The following NHERF1 variants were observed in gnomAD, a reference collection of about 807,000 sequenced individuals.
NHERF1 encodes NHERF family PDZ scaffold protein 1, also known as Na(+)/H(+) exchange regulatory cofactor NHE-RF1.
chr17:74,748,979 G>A, the NHERF1 span: 2 of 1,607,460 alleles, frequency 1.2e-6, no homozygotes, highest in East Asian at 2.2e-5. The surrounding 1 kb of genome is among the most constrained non-coding windows in gnomAD (Gnocchi z 4.3). Context: ...GGTGGAGCCC[G>A]GCTCGCCGGC....
the NHERF1 span, among the ~76,000 whole-genome samples, chr17:74,756,056 C>T: frequency 2.0e-5 from 3 of 149,606 alleles, no homozygotes; most frequent in Non-Finnish European, 4.4e-5. Flanking sequence ...CAGGTTCAAG[C>T]GATTCTCCTG....
the NHERF1 span, among the ~76,000 whole-genome samples, chr17:74,767,394 G>A: frequency 5.8e-4 from 89 of 152,306 alleles, no homozygotes; most frequent in African/African-American, 1.8e-3. Flanking sequence ...GGTGAGGCCC[G>A]GGGAAGAGAT....
At chr17:74,767,444 G>A in the NHERF1 span, among the ~76,000 whole-genome samples, 3 of 152,192 alleles carry the variant, frequency 2.0e-5, no homozygotes, top group African/African-American at 7.2e-5. Flanking sequence ...GAGGAACCCA[G>A]GAAGGGGCTG....
chr17:74,767,917 C>T, the NHERF1 span: 1 of 653,918 alleles, frequency 1.5e-6, no homozygotes, highest in South Asian at 1.5e-5. Context: ...TGGTCTGTTC[C>T]CATCCCATCC....
the NHERF1 span, chr17:74,769,004 T>A: frequency 2.7e-6 from 1 of 370,962 alleles, no homozygotes; most frequent in South Asian, 2.6e-5. Flanking sequence ...CCCCATGTGA[T>A]AAATGGGTCC....
chr17:74,748,661 C>T, the NHERF1 span: 3 of 583,690 alleles, frequency 5.1e-6, no homozygotes, highest in Non-Finnish European at 9.0e-6. This position sits in a 1 kb window ranked among gnomAD's most constrained non-coding sequence, Gnocchi z 4.3. Flanking sequence ...GGTCTGTGGT[C>T]CTCTCTCGGC....
chr17:74,751,207 C>G, the NHERF1 span, among the ~76,000 whole-genome samples: 2 of 152,234 alleles, frequency 1.3e-5, no homozygotes, highest in Non-Finnish European at 2.9e-5. The surrounding 1 kb of genome is among the most constrained non-coding windows in gnomAD (Gnocchi z 4.3). Flanking sequence ...CTCCTCTAAA[C>G]TGACTCCTAG....
chr17:74,761,288 C>T, the NHERF1 span, among the ~76,000 whole-genome samples: 19 of 152,308 alleles, frequency 1.2e-4, no homozygotes, highest in East Asian at 2.7e-3. The surrounding 1 kb of genome is among the most constrained non-coding windows in gnomAD (Gnocchi z 4.3). Flanking sequence ...TCTGTGCTTC[C>T]GTTGCCACCT....
chr17:74,762,970 G>A, the NHERF1 span: 1 of 182,448 alleles, frequency 5.5e-6, no homozygotes, highest in Non-Finnish European at 1.2e-5. The surrounding 1 kb of genome is among the most constrained non-coding windows in gnomAD (Gnocchi z 4.2). Flanking sequence ...TAGAACCTTA[G>A]AGCTAGAGAT....
chr17:74,753,710 G>C, the NHERF1 span, among the ~76,000 whole-genome samples: 1 of 147,656 alleles, frequency 6.8e-6, no homozygotes, highest in Non-Finnish European at 1.5e-5. Context: ...GCAACATAGT[G>C]AGACCTCGTC....
At chr17:74,756,239 A>C in the NHERF1 span, among the ~76,000 whole-genome samples, 5 of 140,438 alleles carry the variant, frequency 3.6e-5, no homozygotes, top group Non-Finnish European at 7.7e-5. Context: ...ATGAGCCACC[A>C]CACCTGGCCT....
At chr17:74,768,510 CCCT>C in the NHERF1 span, 1 of 1,614,144 alleles carries the variant, frequency 6.2e-7, no homozygotes, top group Non-Finnish European at 8.5e-7. Flanking sequence ...CTCCACAGCG[CCCT>C]CGTCTACCTC....
chr17:74,753,381 G>T, the NHERF1 span, among the ~76,000 whole-genome samples: 1 of 152,190 alleles, frequency 6.6e-6, no homozygotes, highest in Non-Finnish European at 1.5e-5. Context: ...TCTTTCCCAG[G>T]GCGGGCGGGC....
the NHERF1 span, chr17:74,748,674 C>T: frequency 1.3e-5 from 8 of 604,220 alleles, no homozygotes; most frequent in Admixed American, 1.2e-4. This position sits in a 1 kb window ranked among gnomAD's most constrained non-coding sequence, Gnocchi z 4.3. Flanking sequence ...CTCTCGGCTC[C>T]TCGCGGCTCG....
At chr17:74,756,305 G>A in the NHERF1 span, among the ~76,000 whole-genome samples, 7 of 120,366 alleles carry the variant, frequency 5.8e-5, no homozygotes, top group Admixed American at 2.9e-4. Context: ...TTGAGACGGA[G>A]CCTTGCTCTA....
the NHERF1 span, among the ~76,000 whole-genome samples, chr17:74,763,799 C>T: frequency 1.3e-5 from 2 of 152,222 alleles, no homozygotes; most frequent in Non-Finnish European, 2.9e-5. Context: ...CCGGCCAAAG[C>T]TGCAGCCCCA....
chr17:74,760,924 T>C, the NHERF1 span, among the ~76,000 whole-genome samples: 10 of 152,172 alleles, frequency 6.6e-5, no homozygotes, highest in African/African-American at 2.4e-4. The surrounding 1 kb of genome is among the most constrained non-coding windows in gnomAD (Gnocchi z 4.5). Flanking sequence ...TCTGATGTGC[T>C]GAGTGATAAC....
the NHERF1 span, chr17:74,769,033 C>CT: frequency 4.1e-6 from 1 of 242,002 alleles, no homozygotes; most frequent in Non-Finnish European, 8.1e-6. Flanking sequence ...TCAAAGAACT[C>CT]TGACTGCAGA....
the NHERF1 span, among the ~76,000 whole-genome samples, chr17:74,757,775 T>A: frequency 1.3e-5 from 2 of 152,200 alleles, no homozygotes; most frequent in Non-Finnish European, 2.9e-5. Context: ...CCAGGGTTCC[T>A]TCCTGCCCCC....
Sources: gnomAD v4.1 joint callset for allele counts (sites outside exome capture counted in the v4.1 genomes callset) on GRCh38, gnomAD v4.1.1 for gene constraint, Gnocchi (gnomAD v3.1) non-coding constraint, MANE v1.5 for transcripts, NCBI Gene and HGNC (gene_info 2026-07-23, HGNC 2026-07-21) for gene names.